GRIK4: variants seen among roughly 807,000 people sequenced by gnomAD.
The protein encoded by GRIK4 is glutamate receptor ionotropic, kainate 4.
Under a neutral mutation model 104.9 loss-of-function variants are expected in GRIK4, and 40 were observed. That is an observed-to-expected ratio of 0.38 (90% CI 0.30 to 0.50). GRIK4 has a LOEUF of 0.50. Among genes scored for constraint, GRIK4 ranks in the 20% least tolerant of loss-of-function variants. The pLI is 0.93. For missense variants in GRIK4, 1,047 were observed against 1,308.1 expected (o/e 0.80, Z 3.08); for synonymous variants, 485 against 524.9 (o/e 0.92, Z 1.04).
At position 120,884,627 on chromosome 11, in the gene GRIK4, T is replaced by G. The variant is rs866297570; in HGVS notation, c.1164+9384T>G. Among the ~76,000 whole-genome samples, 99 of 151,434 alleles carry G rather than the reference T, an allele frequency of 6.5e-4. No homozygotes were observed. In the Middle Eastern group the frequency reaches 0.017, roughly 26 times the overall value. Reference sequence around the variant, plus strand: ...AATGTGGCAGCCTCACTGGTTCCACTTGGCAGTGGCTCTGGTTTTGTGTGA... The same window carrying G: ...AATGTGGCAGCCTCACTGGTTCCACGTGGCAGTGGCTCTGGTTTTGTGTGA... On this transcript the variant is annotated intron_variant, in intron 11 of 20. Transcript: ENST00000527524.
intron 1 of GRIK4, among the ~76,000 whole-genome samples, chr11:120,635,564 G>T (rs910690455): frequency 6.6e-6 from 1 of 152,226 alleles, no homozygotes; most frequent in Admixed American, 6.5e-5. Context: ...GGGAGGGGTA[G>T]TACTGTTGAA....
intron 3 of GRIK4, among the ~76,000 whole-genome samples, chr11:120,672,448 G>GT (rs772288528): frequency 4.6e-5 from 7 of 152,176 alleles, no homozygotes; most frequent in Admixed American, 6.5e-5. Context: ...AATTTAAAGT[G>GT]TTTTTTCTAA....
intron 8 of GRIK4, among the ~76,000 whole-genome samples, chr11:120,860,692 A>G (rs568038888): frequency 6.6e-6 from 1 of 152,354 alleles, no homozygotes; most frequent in African/African-American, 2.4e-5. Flanking sequence ...CCATGCCTAG[A>G]ACCATGTCTG....
intron 3 of GRIK4, among the ~76,000 whole-genome samples, chr11:120,771,937 C>T (rs1202799651): frequency 1.3e-5 from 2 of 152,246 alleles, no homozygotes; most frequent in Non-Finnish European, 2.9e-5. Flanking sequence ...GGTAGAACTA[C>T]CCTCATGATC....
At chr11:120,974,855 A>C (rs771889059) in intron 19 of GRIK4, among the ~76,000 whole-genome samples, 4 of 152,322 alleles carry the variant, frequency 2.6e-5, no homozygotes, top group Middle Eastern at 3.4e-3. Flanking sequence ...AAGCTGTTTC[A>C]TTTTCTTCTG....
chr11:120,889,437 C>G (rs142423496), intron 11 of GRIK4, among the ~76,000 whole-genome samples: 175 of 151,798 alleles, frequency 1.2e-3, no homozygotes, highest in African/African-American at 4.0e-3. Context: ...GCCACAAATA[C>G]ATTATTAATA....
intron 3 of GRIK4, among the ~76,000 whole-genome samples, chr11:120,797,190 A>G (rs1197132408): frequency 6.6e-6 from 1 of 152,060 alleles, no homozygotes; most frequent in Admixed American, 6.5e-5. Context: ...CTCTGAACGC[A>G]TCTCCCCATC....
rs369437452 is a variant in GRIK4, at chr11:120,822,040, G to A, written c.511+2120G>A. 9.2e-5 allele frequency among the ~76,000 whole-genome samples: 14 copies of A among 151,890 alleles called. No homozygotes were observed. The South Asian group carries it at 1.0e-3, about 11-fold the overall frequency. ...GTCTGGCCAATGTAGTAGAAACCCC[G>A]TTTCTACTGAATATGTAAAAATTAG... On this transcript the variant is annotated intron_variant, in intron 6 of 20. Transcript: ENST00000527524.
At chr11:120,553,983 A>G (rs568311423) in intron 1 of GRIK4, among the ~76,000 whole-genome samples, 1 of 152,248 alleles carries the variant, frequency 6.6e-6, no homozygotes, top group East Asian at 1.9e-4. Context: ...CAGAGAAGCC[A>G]CTTTGGAGGC....
intron 18 of GRIK4, among the ~76,000 whole-genome samples, chr11:120,963,376 C>T (rs932275206): frequency 6.6e-6 from 1 of 152,204 alleles, no homozygotes; most frequent in Non-Finnish European, 1.5e-5. Flanking sequence ...GACTTTGGGC[C>T]TTCCCCTGCT....
Position 120,908,426 on chromosome 11 carries a change from CACACACACACAT to C in GRIK4, c.1476+2945_1476+2956del, listed in dbSNP as rs1247256355. On this transcript the variant is annotated intron_variant, in intron 13 of 20. Coordinates refer to ENST00000527524, the MANE Select transcript of GRIK4 (RefSeq NM_014619.5). ...TTTTTGGTAAAGATTTAAAATAACA[CACACACACACAT>C]ACACACACACACACACACACACAGA... is the stretch of plus-strand genomic sequence containing the variant. Among the ~76,000 whole-genome samples the C allele has an allele frequency of 5.0e-5, 5 of 100,070 alleles. No homozygotes were observed. The South Asian group carries it at 1.2e-3, about 25-fold the overall frequency. 65.6% of individuals were successfully genotyped at this position (100,070 alleles called of 152,430 possible).
At chr11:120,530,668 G>A (rs150204107) in intron 1 of GRIK4, among the ~76,000 whole-genome samples, 1,603 of 152,282 alleles carry the variant, frequency 0.011, 16 homozygotes, top group Non-Finnish European at 0.019. Context: ...GTTACAGGGC[G>A]GACTGGGTTC....
intron 8 of GRIK4, among the ~76,000 whole-genome samples, chr11:120,844,206 C>G (rs990656882): frequency 6.6e-6 from 1 of 152,176 alleles, no homozygotes; most frequent in Admixed American, 6.5e-5. Context: ...CACAGCCCCA[C>G]TCTTTCACTC....
chr11:120,619,876 C>A (rs1591744509), intron 1 of GRIK4: 2 of 201,572 alleles, frequency 9.9e-6, no homozygotes, highest in South Asian at 3.4e-4. Flanking sequence ...TCTGCTATTT[C>A]TTTTTTTTTT....
At chr11:120,895,424 C>T (rs1942550770) in intron 11 of GRIK4, among the ~76,000 whole-genome samples, 1 of 152,178 alleles carries the variant, frequency 6.6e-6, no homozygotes, top group Non-Finnish European at 1.5e-5. Context: ...GGAGCCAATT[C>T]TATCCATTTT....
intron 3 of GRIK4, among the ~76,000 whole-genome samples, chr11:120,677,564 T>C (rs1450349670): frequency 3.3e-5 from 5 of 152,182 alleles, no homozygotes; most frequent in Admixed American, 3.3e-4. Context: ...CTATGGAAAA[T>C]ACAAAGAAAT....
At chr11:120,943,076 C>G (rs1258166242) in intron 14 of GRIK4, among the ~76,000 whole-genome samples, 1 of 150,946 alleles carries the variant, frequency 6.6e-6, no homozygotes, top group Non-Finnish European at 1.5e-5. Flanking sequence ...CTTTCCCTGT[C>G]TCTCCCAATA....
At chr11:120,594,905 A>G (rs1041675249) in intron 1 of GRIK4, among the ~76,000 whole-genome samples, 2 of 152,208 alleles carry the variant, frequency 1.3e-5, no homozygotes, top group Admixed American at 1.3e-4. Flanking sequence ...AGATGCCTGC[A>G]TGCGTCCTTC....
intron 3 of GRIK4, among the ~76,000 whole-genome samples, chr11:120,664,274 A>G (rs1233166506): frequency 2.0e-5 from 3 of 152,258 alleles, no homozygotes; most frequent in African/African-American, 7.2e-5. Flanking sequence ...AAAAGAGAAT[A>G]GGAATGGGCT....
Sources: allele counts gnomAD v4.1 joint callset (sites outside exome capture counted in the v4.1 genomes callset), GRCh38; gene constraint gnomAD v4.1.1; transcripts MANE v1.5; gene names NCBI Gene and HGNC (gene_info 2026-07-23, HGNC 2026-07-21).